The following DPP6 variants were observed in gnomAD, a reference collection of about 807,000 sequenced individuals.
The protein encoded by DPP6 is dipeptidyl peptidase like 6.
Under a neutral mutation model 122.6 loss-of-function variants are expected in DPP6, and 69 were observed. The observed-to-expected ratio is 0.56, with a 90% CI of 0.46 to 0.69. DPP6 has a LOEUF of 0.69. DPP6 is among the 30% of genes least tolerant of loss of function. DPP6 has a pLI of 0.00. For missense variants in DPP6, 928 were observed against 1,116.9 expected (o/e 0.83, Z 2.41); for synonymous variants, 418 against 433.1 (o/e 0.97, Z 0.43).
the DPP6 span, among the ~76,000 whole-genome samples, chr7:153,878,551 G>T: frequency 4.9e-4 from 74 of 152,280 alleles, no homozygotes; most frequent in Non-Finnish European, 8.7e-4. Context: ...TTTATATGGA[G>T]TTCAGAAGTC....
intron 5 of DPP6, among the ~76,000 whole-genome samples, chr7:154,585,758 C>T (rs1163925533): frequency 6.6e-6 from 1 of 152,182 alleles, no homozygotes; most frequent in East Asian, 1.9e-4. Context: ...AGTACAGATG[C>T]ACCCATCCTT....
intron 21 of DPP6, 31 bp downstream of exon 21, chr7:154,880,973 C>T: frequency 6.2e-7 from 1 of 1,612,464 alleles, no homozygotes; most frequent in South Asian, 1.1e-5. Context: ...TCTGAAAACC[C>T]CTCAGTTCCA....
chr7:154,410,080 G>C (rs286844), intron 1 of DPP6, among the ~76,000 whole-genome samples: 26,607 of 152,174 alleles, frequency 0.17, 2,472 homozygotes, highest in African/African-American at 0.24. Flanking sequence ...ATTTAGAAAT[G>C]TTAGAATTTA....
chr7:154,036,596 C>T (rs542336809), intron 1 of DPP6, among the ~76,000 whole-genome samples: 9 of 151,886 alleles, frequency 5.9e-5, no homozygotes, highest in Non-Finnish European at 7.3e-5. Context: ...AGATGGTGCA[C>T]GGGCACATCA....
intron 1 of DPP6, among the ~76,000 whole-genome samples, chr7:154,376,053 C>T (rs1434797547): frequency 1.3e-5 from 2 of 152,200 alleles, no homozygotes; most frequent in East Asian, 3.9e-4. Flanking sequence ...GCCCCACCAG[C>T]CTTCCCGGAA....
chr7:154,047,085 C>T (rs946470571), intron 1 of DPP6, among the ~76,000 whole-genome samples: 2 of 151,048 alleles, frequency 1.3e-5, no homozygotes, highest in African/African-American at 4.9e-5. Flanking sequence ...AAGTCAAAGC[C>T]TGAGAATGCC....
chr7:154,796,093 G>A, intron 12 of DPP6: 1 of 690,222 alleles, frequency 1.4e-6, no homozygotes, highest in Non-Finnish European at 2.2e-6. Flanking sequence ...AAGTTCCAGG[G>A]AGGGTCGTGT....
intron 16 of DPP6, among the ~76,000 whole-genome samples, chr7:154,849,834 T>A (rs1802231888): frequency 6.6e-6 from 1 of 152,222 alleles, no homozygotes; most frequent in South Asian, 2.1e-4. Flanking sequence ...TTGAGGAACA[T>A]TCCTTCTATA....
intron 2 of DPP6, among the ~76,000 whole-genome samples, chr7:154,466,132 A>T (rs1166149801): frequency 6.6e-6 from 1 of 151,812 alleles, no homozygotes; most frequent in Admixed American, 6.6e-5. Context: ...GCATGTTCTC[A>T]CTCATAAGTG....
chr7:154,570,613 T>C (rs1831048049), intron 5 of DPP6, among the ~76,000 whole-genome samples: 2 of 152,226 alleles, frequency 1.3e-5, no homozygotes, highest in African/African-American at 4.8e-5. Context: ...ACCTCAGTTG[T>C]GAAATATCCT....
At chr7:154,642,661 G>C (rs1836182015) in intron 6 of DPP6, among the ~76,000 whole-genome samples, 1 of 149,338 alleles carries the variant, frequency 6.7e-6, no homozygotes, top group African/African-American at 2.5e-5. Flanking sequence ...TGGAATGGCT[G>C]GGTGTGGTGG....
chr7:154,889,646 G>A (rs559659472), intron 25 of DPP6, 116 bp downstream of exon 25: 109 of 1,490,742 alleles, frequency 7.3e-5, no homozygotes, highest in Middle Eastern at 1.7e-4. Context: ...TGCTGTGGTG[G>A]TCGGTGATGA....
Position 154,566,877 on chromosome 7 carries a change from A to T in DPP6, c.588A>T (p.Pro196=), listed in dbSNP as rs751518866. ...SLRAIRYEIS[P]DREYALFSYN... is the part of the protein sequence containing the mutation. ...GAGCCATCAGATATGAAATATCTCC[A>T]GATAGAGAGTATGCACTTTTTTCAT... Residue 196 remains proline (P), a synonymous_variant, in exon 5 of 26, where the codon CCA becomes CCT. Coordinates refer to ENST00000377770, the MANE Select transcript of DPP6 (RefSeq NM_130797.4). 1 of 1,607,314 alleles carries T rather than the reference A, an allele frequency of 6.2e-7. No homozygotes were observed. The highest frequency in any genetic ancestry group is 8.5e-7 in the Non-Finnish European group (1 of 1,175,550).
At chr7:153,817,708 T>C in the DPP6 span, among the ~76,000 whole-genome samples, 3 of 131,198 alleles carry the variant, frequency 2.3e-5, no homozygotes, top group East Asian at 2.3e-4. Flanking sequence ...TAGGTGGGAA[T>C]TGAACAATGA....
At chr7:153,752,783 C>T in the DPP6 span, among the ~76,000 whole-genome samples, 7,543 of 138,736 alleles carry the variant, frequency 0.054, 276 homozygotes, top group African/African-American at 0.078. Context: ...AATCCAGTCT[C>T]GGCAACACAG....
At chr7:154,794,292 G>A (rs985500215) in intron 11 of DPP6, 90 bp downstream of exon 11, 21 of 1,437,012 alleles carry the variant, frequency 1.5e-5, no homozygotes, top group Non-Finnish European at 1.7e-5. Flanking sequence ...CTCAGCCCTC[G>A]GGCCTGGGAC....
rs1316079170 is a variant in DPP6, at chr7:154,162,312, GA to G, written c.243+109251del. Among the ~76,000 whole-genome samples the G allele has an allele frequency of 2.6e-5, 4 of 152,308 alleles. No homozygotes were observed. In the East Asian group the frequency reaches 7.7e-4, roughly 29 times the overall value. ...TGCTTGTGGACCAGGAGTGTCTTGG[GA>G]ATGGGAACCAAACTAATCCAAAGAT... On this transcript the variant is annotated intron_variant, in intron 1 of 25. Transcript: ENST00000377770.
At chr7:154,482,817 T>C (rs760204074) in intron 3 of DPP6, among the ~76,000 whole-genome samples, 14 of 151,980 alleles carry the variant, frequency 9.2e-5, no homozygotes, top group Non-Finnish European at 1.6e-4. Context: ...CAGGAGGTGG[T>C]AGTGTATAGA....
chr7:153,865,313 A>G, the DPP6 span, among the ~76,000 whole-genome samples: 2,798 of 152,256 alleles, frequency 0.018, 39 homozygotes, highest in Middle Eastern at 0.044. Context: ...AACCACAGAT[A>G]TTTTTTGTTG....
Sources: allele counts gnomAD v4.1 joint callset (sites outside exome capture counted in the v4.1 genomes callset), GRCh38; gene constraint gnomAD v4.1.1; transcripts MANE v1.5; gene names NCBI Gene and HGNC (gene_info 2026-07-23, HGNC 2026-07-21).